Variants in SAMD5 observed in about 807,000 individuals in gnomAD.
The protein encoded by SAMD5 is sterile alpha motif domain containing 5.
A neutral mutation model predicts 11.3 loss-of-function variants in SAMD5; 13 were observed. That is an observed-to-expected ratio of 1.15 (90% CI 0.75 to 1.83). The LOEUF (loss-of-function observed/expected upper bound fraction) is 1.83, where lower values mean the gene tolerates loss of function less well. Among genes scored for constraint, SAMD5 ranks in the 40% most tolerant of loss-of-function variants. The pLI, the probability that SAMD5 is intolerant of heterozygous loss-of-function variation, is 0.00. For missense variants in SAMD5, 255 were observed against 239.1 expected (o/e 1.07, Z -0.44); for synonymous variants, 129 against 111.3 (o/e 1.16, Z -1.00).
At chr6:147,793,688 T>C in the SAMD5 span, among the ~76,000 whole-genome samples, 1 of 152,302 alleles carries the variant, frequency 6.6e-6, no homozygotes, top group Admixed American at 6.5e-5. Context: ...TCTTACCCTT[T>C]TTGACAATGG....
chr6:147,566,851 G>A lies in SAMD5; in HGVS notation c.*2395G>A. 1 of 978,824 alleles carries A rather than the reference G, an allele frequency of 1.0e-6. No homozygotes were observed. Among genetic ancestry groups the A allele is most frequent in the East Asian group, 1.1e-4 (1 of 8,766 alleles). The allele number at this position is 978,824 out of a possible 1,614,324, so 60.6% of individuals were successfully genotyped here. A position where few individuals can be genotyped will look rare whatever the true frequency, so the allele number is the denominator to read the frequency against. On this transcript the variant is annotated 3_prime_UTR_variant, in exon 2 of 2. Transcript: ENST00000367474. ...GGTAAGAGGTAGAATATAAGAGAAA[G>A]GGATTATTTTTACCATGAATTGTAT... is the stretch of plus-strand genomic sequence containing the variant.
the SAMD5 span, among the ~76,000 whole-genome samples, chr6:147,940,027 G>A: frequency 6.6e-6 from 1 of 152,018 alleles, no homozygotes; most frequent in African/African-American, 2.4e-5. Flanking sequence ...GCCAGCAGGT[G>A]TCTTAGGCAA....
chr6:147,850,371 G>C, the SAMD5 span, among the ~76,000 whole-genome samples: 1 of 152,154 alleles, frequency 6.6e-6, no homozygotes, highest in African/African-American at 2.4e-5. Context: ...TTAACCGGCA[G>C]AGGGCTGTAT....
the SAMD5 span, among the ~76,000 whole-genome samples, chr6:147,815,983 G>A: frequency 7.4e-3 from 1,119 of 152,050 alleles, 17 homozygotes; most frequent in African/African-American, 0.026. Context: ...TCTAATAAAA[G>A]TATATTAGAA....
chr6:147,744,088 G>A, the SAMD5 span, among the ~76,000 whole-genome samples: 4 of 152,312 alleles, frequency 2.6e-5, no homozygotes, highest in African/African-American at 4.8e-5. Context: ...CAAGTCCAGT[G>A]CCTTTTCAGC....
chr6:147,534,104 G>C (rs918556425), intron 1 of SAMD5, among the ~76,000 whole-genome samples: 1 of 152,148 alleles, frequency 6.6e-6, no homozygotes, highest in African/African-American at 2.4e-5. Flanking sequence ...CATGACCCGG[G>C]GTACCTAGAA....
chr6:147,901,515 T>C, the SAMD5 span, among the ~76,000 whole-genome samples: 2 of 152,352 alleles, frequency 1.3e-5, no homozygotes, highest in Admixed American at 6.5e-5. Context: ...CTTTGTAAAG[T>C]AGTTTTTTTC....
the SAMD5 span, among the ~76,000 whole-genome samples, chr6:147,944,817 C>G: frequency 6.6e-6 from 1 of 152,202 alleles, no homozygotes; most frequent in East Asian, 1.9e-4. Flanking sequence ...TTGACTCCTT[C>G]TGAGCACTCT....
the SAMD5 span, among the ~76,000 whole-genome samples, chr6:147,896,753 A>C: frequency 8.0e-5 from 12 of 150,022 alleles, no homozygotes; most frequent in Non-Finnish European, 1.3e-4. Flanking sequence ...AAAAAAAAAA[A>C]AAAAAAAAAA....
chr6:147,841,192 G>A, the SAMD5 span, among the ~76,000 whole-genome samples: 17,495 of 152,092 alleles, frequency 0.12, 1,248 homozygotes, highest in East Asian at 0.35. Flanking sequence ...CATTATCTGC[G>A]TTTTGATATC....
At chr6:147,761,210 A>G in the SAMD5 span, among the ~76,000 whole-genome samples, 1 of 152,154 alleles carries the variant, frequency 6.6e-6, no homozygotes, top group African/African-American at 2.4e-5. Context: ...TTCAACCTTA[A>G]TATTCTTAAT....
At chr6:147,604,476 C>T (rs1789668364) in intron 1 of SAMD5, among the ~76,000 whole-genome samples, 1 of 152,164 alleles carries the variant, frequency 6.6e-6, no homozygotes. Context: ...ATTACAAAAT[C>T]ACGTTCAAGA....
the SAMD5 span, among the ~76,000 whole-genome samples, chr6:147,878,212 G>A: frequency 5.5e-4 from 83 of 152,036 alleles, no homozygotes; most frequent in Middle Eastern, 6.8e-3. Context: ...TCAAGATGCT[G>A]GCAGGTTCAG....
At chr6:147,520,117 GTTTTTTTTTTTT>G (rs10632543) in intron 1 of SAMD5, among the ~76,000 whole-genome samples, 19 of 136,852 alleles carry the variant, frequency 1.4e-4, no homozygotes, top group African/African-American at 4.9e-4. Flanking sequence ...GAACTTTATA[GTTTTTTTTTTTT>G]TTTTTGGAGA....
At chr6:147,575,644 A>G (rs151154451) in intron 1 of SAMD5, among the ~76,000 whole-genome samples, 206 of 152,350 alleles carry the variant, frequency 1.4e-3, no homozygotes, top group African/African-American at 4.7e-3. Context: ...CTGTCCCTTG[A>G]CTTTGATAAT....
the SAMD5 span, among the ~76,000 whole-genome samples, chr6:147,842,761 A>C: frequency 1.3e-5 from 2 of 152,232 alleles, no homozygotes; most frequent in African/African-American, 4.8e-5. Flanking sequence ...TTTTCATGAA[A>C]TCTTAGTTGT....
chr6:147,800,067 C>T, the SAMD5 span, among the ~76,000 whole-genome samples: 1 of 152,218 alleles, frequency 6.6e-6, no homozygotes, highest in Non-Finnish European at 1.5e-5. Flanking sequence ...CTTCTCTCAG[C>T]TCGTCAAAGT....
chr6:147,772,333 C>A, the SAMD5 span, among the ~76,000 whole-genome samples: 2 of 152,120 alleles, frequency 1.3e-5, no homozygotes, highest in South Asian at 4.2e-4. Flanking sequence ...CAAGAAAGGG[C>A]AGGGAAGAAA....
chr6:147,649,746 G>A lies in SAMD5; in HGVS notation c.163-87571G>A, dbSNP rs929784296. ...GCAGAGTTTGTAGTGAAGTGAGATC[G>A]CGCCACTGCGCTCCAGCCTTGGCAA... On this transcript the variant is annotated intron_variant, in intron 1 of 1. Coordinates refer to the SAMD5 transcript ENST00000566741. Among the ~76,000 whole-genome samples, 8 of 150,198 alleles carry A rather than the reference G, an allele frequency of 5.3e-5. 1 individual carries two copies. The South Asian group carries it at 1.1e-3, about 20-fold the overall frequency.
Sources: gnomAD v4.1 joint callset for allele counts (sites outside exome capture counted in the v4.1 genomes callset) on GRCh38, gnomAD v4.1.1 for gene constraint, MANE v1.5 for transcripts, NCBI Gene and HGNC (gene_info 2026-07-23, HGNC 2026-07-21) for gene names.